The following STPG2 variants were observed in gnomAD, a reference collection of about 807,000 sequenced individuals.
STPG2 encodes sperm-tail PG-rich repeat-containing protein 2.
In STPG2, 56 loss-of-function variants were observed where a neutral mutation model predicts 54.2. That is an observed-to-expected ratio of 1.03 (90% confidence interval 0.83 to 1.29). The LOEUF (loss-of-function observed/expected upper bound fraction) is 1.29. Among genes scored for constraint, STPG2 ranks in the 50% most tolerant of loss-of-function variants. The pLI, the probability that STPG2 is intolerant of heterozygous loss-of-function variation, is 0.00. For missense variants in STPG2, 596 were observed against 544.9 expected (o/e 1.09, Z -0.93); for synonymous variants, 200 against 181.8 (o/e 1.10, Z -0.81).
At chr4:97,956,027 T>G (rs1733658953) in intron 7 of STPG2, among the ~76,000 whole-genome samples, 1 of 151,984 alleles carries the variant, frequency 6.6e-6, no homozygotes, top group South Asian at 2.1e-4. Context: ...AAAATGCAAA[T>G]GCAAAAAGGA....
At chr4:98,059,575 C>A (rs902046046) in intron 5 of STPG2, among the ~76,000 whole-genome samples, 1 of 150,254 alleles carries the variant, frequency 6.7e-6, no homozygotes, top group African/African-American at 2.5e-5. Flanking sequence ...ATCCTCATAC[C>A]AAAACCTGGA....
At chr4:97,464,280 C>T (rs942940776) in intron 4 of STPG2, among the ~76,000 whole-genome samples, 3 of 152,130 alleles carry the variant, frequency 2.0e-5, no homozygotes, top group African/African-American at 7.2e-5. Flanking sequence ...ATAACAACTA[C>T]TTATATAGCA....
At chr4:97,465,113 G>A (rs749244997) in intron 4 of STPG2, among the ~76,000 whole-genome samples, 31 of 152,126 alleles carry the variant, frequency 2.0e-4, no homozygotes, top group Non-Finnish European at 3.7e-4. Flanking sequence ...TGAATATGTG[G>A]GTTAGAAAGC....
intron 8 of STPG2, among the ~76,000 whole-genome samples, chr4:97,939,423 G>A (rs1404345192): frequency 3.3e-5 from 5 of 152,166 alleles, no homozygotes; most frequent in Admixed American, 3.3e-4. Context: ...AAGTCTTATT[G>A]TGTGGGAGTC....
chr4:97,594,553 C>A (rs1733231393), intron 10 of STPG2, among the ~76,000 whole-genome samples: 1 of 152,120 alleles, frequency 6.6e-6, no homozygotes, highest in Non-Finnish European at 1.5e-5. Flanking sequence ...GGAGAGAAAT[C>A]AAGCAAGTTG....
intron 9 of STPG2, among the ~76,000 whole-genome samples, chr4:97,804,174 C>A (rs987894303): frequency 2.6e-5 from 4 of 152,094 alleles, no homozygotes; most frequent in Non-Finnish European, 5.9e-5. Context: ...TAATGTTATA[C>A]CTTCTTTTAA....
intron 10 of STPG2, among the ~76,000 whole-genome samples, chr4:97,640,481 A>G (rs1204411929): frequency 6.6e-6 from 1 of 151,952 alleles, no homozygotes; most frequent in Non-Finnish European, 1.5e-5. Flanking sequence ...ATGAGTCAAT[A>G]ATTTTTAACC....
chr4:98,018,052 G>C (rs898467910), intron 5 of STPG2, among the ~76,000 whole-genome samples: 12 of 151,364 alleles, frequency 7.9e-5, no homozygotes, highest in Admixed American at 3.3e-4. Context: ...AAGTTTTAGG[G>C]TACATGTGCA....
chr4:97,752,239 T>C (rs71606997), intron 9 of STPG2, among the ~76,000 whole-genome samples: 3 of 151,776 alleles, frequency 2.0e-5, no homozygotes, highest in Non-Finnish European at 3.0e-5. Flanking sequence ...TAATATTTAC[T>C]ATAAGCATAT....
At chr4:97,795,421 C>T (rs866105833) in intron 9 of STPG2, among the ~76,000 whole-genome samples, 2 of 152,130 alleles carry the variant, frequency 1.3e-5, no homozygotes, top group Admixed American at 1.3e-4. Flanking sequence ...TGTTCAATTC[C>T]CACCTATAAG....
chr4:97,813,494 G>C (rs1397926429), intron 9 of STPG2, among the ~76,000 whole-genome samples: 2 of 151,364 alleles, frequency 1.3e-5, no homozygotes, highest in Non-Finnish European at 2.9e-5. Context: ...AGTATGTGAG[G>C]TCATATAGAT....
intron 8 of STPG2, among the ~76,000 whole-genome samples, chr4:97,852,533 G>A (rs1440440578): frequency 2.6e-5 from 4 of 152,238 alleles, no homozygotes; most frequent in African/African-American, 4.8e-5. Context: ...TCAGTGAGAC[G>A]AATTGTAGAA....
chr4:97,564,996 G>T (rs1732385524), intron 10 of STPG2, among the ~76,000 whole-genome samples: 1 of 152,132 alleles, frequency 6.6e-6, no homozygotes, highest in African/African-American at 2.4e-5. Flanking sequence ...GCTAGACTGG[G>T]GAAGTTCTCC....
intron 4 of STPG2, among the ~76,000 whole-genome samples, chr4:97,499,341 A>C (rs1486341344): frequency 6.6e-6 from 1 of 151,816 alleles, no homozygotes; most frequent in African/African-American, 2.4e-5. Context: ...TCCACAATTT[A>C]TTTTTTCATT....
intron 4 of STPG2, among the ~76,000 whole-genome samples, chr4:97,507,059 C>T (rs1730859869): frequency 6.6e-6 from 1 of 151,872 alleles, no homozygotes; most frequent in South Asian, 2.1e-4. Flanking sequence ...GGTGTGGTAG[C>T]ATGTGCCTAT....
At chr4:97,655,805 A>G (rs896983252) in intron 10 of STPG2, among the ~76,000 whole-genome samples, 2 of 152,144 alleles carry the variant, frequency 1.3e-5, no homozygotes, top group African/African-American at 4.8e-5. Context: ...GTAGCTTCTT[A>G]ATGCCTTGTC....
chr4:97,885,567 T>C (rs576899443), intron 8 of STPG2, among the ~76,000 whole-genome samples: 2 of 152,330 alleles, frequency 1.3e-5, no homozygotes, highest in South Asian at 4.1e-4. Flanking sequence ...AATAGCATAA[T>C]ATATAAATGA....
At chr4:97,783,843 T>C (rs948453411) in intron 9 of STPG2, among the ~76,000 whole-genome samples, 12 of 151,974 alleles carry the variant, frequency 7.9e-5, no homozygotes, top group African/African-American at 2.9e-4. Context: ...AAACACCGCA[T>C]GTTCTCACTC....
At chr4:97,549,366 A>G (rs902345737) in intron 4 of STPG2, among the ~76,000 whole-genome samples, 1 of 152,202 alleles carries the variant, frequency 6.6e-6, no homozygotes, top group Non-Finnish European at 1.5e-5. Flanking sequence ...TAGTTTCACT[A>G]TATCTAAGTC....
Sources: allele counts gnomAD v4.1 joint callset (sites outside exome capture counted in the v4.1 genomes callset), GRCh38; gene constraint gnomAD v4.1.1; transcripts MANE v1.5; gene names NCBI Gene and HGNC (gene_info 2026-07-23, HGNC 2026-07-21).